Variants in APLF observed in about 807,000 individuals in gnomAD.
APLF encodes the protein aprataxin and PNK-like factor.
Under a neutral mutation model 55.6 loss-of-function variants are expected in APLF, and 61 were observed. The observed-to-expected ratio is 1.10, with a 90% confidence interval of 0.89 to 1.36. APLF has a LOEUF of 1.36. Among genes scored for constraint, APLF ranks in the 40% most tolerant of loss-of-function variants. The pLI, the probability that APLF is intolerant of heterozygous loss-of-function variation, is 0.00. For missense variants in APLF, 611 were observed against 602.5 expected (o/e 1.01, Z -0.15); for synonymous variants, 207 against 214.8 (o/e 0.96, Z 0.32).
At chr2:68,508,025 T>C (rs532120407) in intron 3 of APLF, among the ~76,000 whole-genome samples, 41 of 151,948 alleles carry the variant, frequency 2.7e-4, no homozygotes, top group African/African-American at 8.2e-4. Flanking sequence ...AATTCATTTA[T>C]AATTATTTAA....
chr2:68,498,039 AG>A (rs1676612211), intron 2 of APLF, among the ~76,000 whole-genome samples: 1 of 152,214 alleles, frequency 6.6e-6, no homozygotes, highest in African/African-American at 2.4e-5. Flanking sequence ...ACTGTCTACA[AG>A]GTGCAATTTA....
At chr2:68,512,197 T>C (rs1209635632) in intron 3 of APLF, among the ~76,000 whole-genome samples, 2 of 151,658 alleles carry the variant, frequency 1.3e-5, no homozygotes, top group Admixed American at 6.6e-5. Flanking sequence ...TGGCTCTTTG[T>C]AGTCTGTCCC....
chr2:68,544,143 G>A (rs147771556), intron 7 of APLF, among the ~76,000 whole-genome samples: 26 of 151,922 alleles, frequency 1.7e-4, no homozygotes, highest in East Asian at 7.8e-4. Flanking sequence ...CACCAAGCCC[G>A]GCTAGTTGTA....
intron 1 of APLF, among the ~76,000 whole-genome samples, chr2:68,488,988 A>G (rs1406920070): frequency 6.6e-6 from 1 of 152,166 alleles, no homozygotes; most frequent in Non-Finnish European, 1.5e-5. Flanking sequence ...AAAAAAAGGT[A>G]CAATCTGGGA....
chr2:68,516,399 G>C (rs1379939973), intron 5 of APLF, among the ~76,000 whole-genome samples: 1 of 151,082 alleles, frequency 6.6e-6, no homozygotes. Flanking sequence ...TCATTTTTCA[G>C]CCAATACAGT....
chr2:68,521,201 T>G (rs868743450), intron 5 of APLF, among the ~76,000 whole-genome samples: 1 of 152,012 alleles, frequency 6.6e-6, no homozygotes, highest in South Asian at 2.1e-4. Context: ...CCTGAAACTT[T>G]GCTGAGTTCA....
intron 1 of APLF, among the ~76,000 whole-genome samples, chr2:68,475,862 T>A (rs2103877746): frequency 6.6e-6 from 1 of 151,136 alleles, no homozygotes; most frequent in South Asian, 2.1e-4. Flanking sequence ...GTAACCAGTC[T>A]GGATTCAGTT....
chr2:68,538,315 A>G (rs1337439417), intron 7 of APLF, 88 bp downstream of exon 7: 2 of 1,216,144 alleles, frequency 1.6e-6, no homozygotes, highest in Non-Finnish European at 2.2e-6. Context: ...TAAAAACTTA[A>G]TAAAACCCAC....
intron 9 of APLF, among the ~76,000 whole-genome samples, chr2:68,574,080 TAAAAAAA>T (rs74533891): frequency 1.8e-3 from 231 of 129,658 alleles, no homozygotes; most frequent in African/African-American, 6.6e-3. Context: ...TAACCCAAAT[TAAAAAAA>T]AAAAAAAAGG....
At chr2:68,510,807 A>G (rs1395378898) in intron 3 of APLF, among the ~76,000 whole-genome samples, 2 of 151,878 alleles carry the variant, frequency 1.3e-5, no homozygotes, top group African/African-American at 4.8e-5. Flanking sequence ...ATAAACAAGT[A>G]TTGTATAGTC....
At chr2:68,528,319 C>T (rs1573224610) in intron 6 of APLF, 1 of 1,443,706 alleles carries the variant, frequency 6.9e-7, no homozygotes. Flanking sequence ...CCCTCATGTT[C>T]TTACGCATGT....
intron 2 of APLF, among the ~76,000 whole-genome samples, chr2:68,498,556 G>A (rs1340171157): frequency 2.0e-5 from 3 of 152,210 alleles, no homozygotes; most frequent in African/African-American, 7.2e-5. Flanking sequence ...CTCTCCAGCA[G>A]TTCTAGGAAA....
intron 5 of APLF, chr2:68,515,560 A>G: frequency 1.0e-6 from 1 of 981,640 alleles, no homozygotes. Flanking sequence ...ATTTCATTTC[A>G]AATACGTTTT....
At chr2:68,481,709 C>T (rs1675962550) in intron 1 of APLF, among the ~76,000 whole-genome samples, 1 of 152,028 alleles carries the variant, frequency 6.6e-6, no homozygotes, top group Non-Finnish European at 1.5e-5. Flanking sequence ...ATGCCTTTTC[C>T]ATATTTTCTT....
chr2:68,528,833 A>T, intron 6 of APLF: 1 of 1,502,810 alleles, frequency 6.7e-7, no homozygotes, highest in South Asian at 1.2e-5. Context: ...CTTGAGGTGG[A>T]CATTTCCCTC....
intron 1 of APLF, among the ~76,000 whole-genome samples, chr2:68,483,484 C>G (rs1676028981): frequency 6.6e-6 from 1 of 152,174 alleles, no homozygotes; most frequent in Non-Finnish European, 1.5e-5. Flanking sequence ...AGTGCTTTCC[C>G]TCAGACAATC....
At chr2:68,476,371 T>C (rs140368361) in intron 1 of APLF, among the ~76,000 whole-genome samples, 1,612 of 150,754 alleles carry the variant, frequency 0.011, 35 homozygotes, top group African/African-American at 0.038. Context: ...TAATCTCAGC[T>C]ACTTGGGAGG....
At chr2:68,538,711 T>G (rs1162279851) in intron 7 of APLF, among the ~76,000 whole-genome samples, 1 of 134,176 alleles carries the variant, frequency 7.5e-6, no homozygotes, top group East Asian at 2.0e-4. Flanking sequence ...GCTCCTATAC[T>G]TGCTTCATTT....
At chr2:68,518,611 T>TAATATATCATGAATATATAATATGCC (rs1558539707) in intron 5 of APLF, among the ~76,000 whole-genome samples, 2 of 113,268 alleles carry the variant, frequency 1.8e-5, no homozygotes, top group African/African-American at 7.6e-5. Context: ...AATATATCAT[T>TAATATATCATGAATATATAATATGCC]AATATATCAT....
Sources: allele counts gnomAD v4.1 joint callset (sites outside exome capture counted in the v4.1 genomes callset), GRCh38; gene constraint gnomAD v4.1.1; transcripts MANE v1.5; gene names NCBI Gene and HGNC (gene_info 2026-07-23, HGNC 2026-07-21).